The following HECTD2 variants were observed in gnomAD, a reference collection of about 807,000 sequenced individuals.
HECTD2 encodes the protein HECT domain E3 ubiquitin protein ligase 2, also known as probable E3 ubiquitin-protein ligase HECTD2.
HECTD2 carries 35 observed loss-of-function variants against 103.2 expected under a neutral mutation model. That is an observed-to-expected ratio of 0.34 (90% CI 0.26 to 0.45). The LOEUF (loss-of-function observed/expected upper bound fraction) is 0.45, where lower values mean the gene tolerates loss of function less well. Among genes scored for constraint, HECTD2 ranks in the 20% least tolerant of loss-of-function variants. HECTD2 has a pLI of 1.00. For missense variants in HECTD2, 596 were observed against 937.4 expected (o/e 0.64, Z 4.76); for synonymous variants, 281 against 329.9 (o/e 0.85, Z 1.61).
At chr10:91,486,718 T>C (rs548041956) in intron 10 of HECTD2, 26 of 152,310 alleles carry the variant, frequency 1.7e-4, no homozygotes, top group Non-Finnish European at 3.7e-4. Context: ...ACTGAGTTCA[T>C]TGCATTTTCT....
chr10:91,419,580 A>T (rs1429683902), intron 1 of HECTD2, among the ~76,000 whole-genome samples: 1 of 152,160 alleles, frequency 6.6e-6, no homozygotes, highest in Non-Finnish European at 1.5e-5. Context: ...GCTGTTTGCA[A>T]CGTTTATTGA....
intron 7 of HECTD2, 82 bp downstream of exon 7, chr10:91,481,221 A>T: frequency 9.5e-6 from 6 of 630,888 alleles, no homozygotes; most frequent in Non-Finnish European, 1.6e-5. Context: ...ATTAAATATT[A>T]AATATCATTT....
At chr10:91,463,867 G>GA (rs1237201637) in intron 5 of HECTD2, among the ~76,000 whole-genome samples, 2 of 152,118 alleles carry the variant, frequency 1.3e-5, no homozygotes, top group Non-Finnish European at 2.9e-5. Context: ...AACCACTTTG[G>GA]AAAAATACTT....
At chr10:91,454,196 C>T (rs1844967497) in intron 2 of HECTD2, among the ~76,000 whole-genome samples, 1 of 152,110 alleles carries the variant, frequency 6.6e-6, no homozygotes, top group Non-Finnish European at 1.5e-5. Context: ...ACATTTACAG[C>T]ACGCTCTACT....
chr10:91,449,421 A>C (rs549904811), intron 2 of HECTD2, among the ~76,000 whole-genome samples: 1 of 152,314 alleles, frequency 6.6e-6, no homozygotes, highest in African/African-American at 2.4e-5. Context: ...ATTTATGACA[A>C]ACCCACAGTC....
At chr10:91,420,627 C>G (rs1282501175) in intron 1 of HECTD2, among the ~76,000 whole-genome samples, 1 of 151,848 alleles carries the variant, frequency 6.6e-6, no homozygotes, top group Non-Finnish European at 1.5e-5. Flanking sequence ...AATCAGTCTA[C>G]TATGCCTCCT....
chr10:91,457,727 C>T (rs918986383), intron 2 of HECTD2, among the ~76,000 whole-genome samples: 2 of 151,864 alleles, frequency 1.3e-5, no homozygotes, highest in Admixed American at 6.6e-5. Flanking sequence ...ATGCTTTTAC[C>T]TTAAGTTTGG....
At chr10:91,439,780 C>A (rs1381410096) in intron 2 of HECTD2, among the ~76,000 whole-genome samples, 1 of 152,084 alleles carries the variant, frequency 6.6e-6, no homozygotes, top group African/African-American at 2.4e-5. Flanking sequence ...TGTAGTTCTC[C>A]TTGAAGAGGT....
chr10:91,471,347 A>G (rs893815349), intron 5 of HECTD2, among the ~76,000 whole-genome samples: 2 of 152,214 alleles, frequency 1.3e-5, no homozygotes, highest in African/African-American at 4.8e-5. Context: ...GTCTGTGACA[A>G]ACCCACAGCC....
chr10:91,493,986 A>G (rs190959550), intron 14 of HECTD2, among the ~76,000 whole-genome samples: 2 of 152,168 alleles, frequency 1.3e-5, no homozygotes, highest in East Asian at 1.9e-4. Flanking sequence ...TTTAAAGCAT[A>G]TAGTATTATT....
chr10:91,427,788 T>C (rs1325419627), intron 2 of HECTD2, among the ~76,000 whole-genome samples: 2 of 152,076 alleles, frequency 1.3e-5, no homozygotes, highest in Non-Finnish European at 2.9e-5. Context: ...TTTTCTCCCA[T>C]TTTGTAGGTT....
At chr10:91,471,336 C>A (rs1235472962) in intron 5 of HECTD2, among the ~76,000 whole-genome samples, 1 of 152,150 alleles carries the variant, frequency 6.6e-6, no homozygotes, top group South Asian at 2.1e-4. Context: ...TAATAGGAAT[C>A]GTCTGTGACA....
chr10:91,492,782 A>G (rs553967724), intron 13 of HECTD2, among the ~76,000 whole-genome samples: 65 of 152,254 alleles, frequency 4.3e-4, no homozygotes, highest in South Asian at 3.9e-3. Context: ...TTAATTTGTC[A>G]TTGAAATAAA....
intron 14 of HECTD2, among the ~76,000 whole-genome samples, chr10:91,495,124 T>C (rs1364022206): frequency 6.6e-6 from 1 of 151,928 alleles, no homozygotes; most frequent in African/African-American, 2.4e-5. Context: ...ATAAAACCTA[T>C]AGAAAGCTAA....
rs1564731086 is a variant in HECTD2 at position 91,487,546 on chromosome 10, C to CA, written c.1095-134dup. On this transcript the variant is annotated intron_variant, in intron 10 of 20. Coordinates refer to ENST00000298068, the MANE Select transcript of HECTD2 (RefSeq NM_182765.6). This position sits in a 1 kb window ranked among gnomAD's most constrained non-coding sequence, Gnocchi z 4.1. ...AGAATTAAAAGAAATTATACACATA[C>CA]AATCATTTTGTATATGGTAAAACAC... is the stretch of plus-strand genomic sequence containing the variant. The CA allele has an allele frequency of 4.2e-6, 3 of 712,276 alleles. No individual in the cohort carries two copies. Among genetic ancestry groups the CA allele is most frequent in the African/African-American group, 1.8e-5 (1 of 56,966 alleles). 44.1% of individuals were successfully genotyped at this position (712,276 alleles called of 1,614,324 possible). A position where few individuals can be genotyped will look rare whatever the true frequency, so the allele number is the denominator to read the frequency against.
In HECTD2 at chr10:91,465,100, T is replaced by TC. The variant is rs1845485804; in HGVS notation, c.600+2922dup. Among the ~76,000 whole-genome samples, 3 of 152,182 alleles carry TC rather than the reference T, an allele frequency of 2.0e-5. No homozygotes were observed. In the South Asian group the frequency reaches 6.2e-4, roughly 32 times the overall value. Reference sequence around the variant, plus strand: ...TAACTTTTAGTAGTTTGGGTTTTTTTCCCCCCTCAGGGGTATAGACAAATA... The same window carrying TC: ...TAACTTTTAGTAGTTTGGGTTTTTTTCCCCCCCTCAGGGGTATAGACAAATA... On this transcript the variant is annotated intron_variant, in intron 5 of 20. Coordinates refer to ENST00000298068, the MANE Select transcript of HECTD2 (RefSeq NM_182765.6).
chr10:91,478,009 A>G (rs947974248), intron 5 of HECTD2, among the ~76,000 whole-genome samples, 192 bp from the exon 6 acceptor site: 2 of 152,118 alleles, frequency 1.3e-5, no homozygotes, highest in African/African-American at 4.8e-5. Flanking sequence ...TACCAGGGAT[A>G]CTCTTACTGT....
rs1255135079 is a variant in HECTD2, at chr10:91,514,213, A to AC, written c.*1829_*1830insC. The AC allele has an allele frequency of 6.6e-6, 1 of 152,632 alleles. No homozygotes were observed. Among genetic ancestry groups the AC allele is most frequent in the Non-Finnish European group, 1.5e-5 (1 of 68,030 alleles). 9.5% of individuals were successfully genotyped at this position (152,632 alleles called of 1,614,324 possible). Reference sequence around the variant, plus strand: ...TTTGGTAGAGATGACTCATGGAAAAATTGTGTTGGCTTGGTCTGCATGTTT... The same window carrying AC: ...TTTGGTAGAGATGACTCATGGAAAAACTTGTGTTGGCTTGGTCTGCATGTTT... On this transcript the variant is annotated 3_prime_UTR_variant, in exon 21 of 21. Coordinates refer to ENST00000298068, the MANE Select transcript of HECTD2 (RefSeq NM_182765.6).
chr10:91,465,561 T>G (rs1038475505), intron 5 of HECTD2, among the ~76,000 whole-genome samples: 4 of 138,996 alleles, frequency 2.9e-5, no homozygotes, highest in African/African-American at 1.1e-4. Context: ...AGCTGTAGGG[T>G]TTTTTTTTTT....
Sources: gnomAD v4.1 joint callset for allele counts (sites outside exome capture counted in the v4.1 genomes callset) on GRCh38, gnomAD v4.1.1 for gene constraint, Gnocchi (gnomAD v3.1) non-coding constraint, MANE v1.5 for transcripts, NCBI Gene and HGNC (gene_info 2026-07-23, HGNC 2026-07-21) for gene names.